Variants in BTBD9 observed in about 807,000 individuals in gnomAD.
BTBD9 encodes the protein BTB domain containing 9.
Under a neutral mutation model 64.3 loss-of-function variants are expected in BTBD9, and 49 were observed. That is an observed-to-expected ratio of 0.76 (90% CI 0.61 to 0.97). BTBD9 has a LOEUF of 0.97. Ranked by LOEUF, BTBD9 falls within the 50% of genes least tolerant of loss-of-function variation. BTBD9 has a pLI of 0.00. For missense variants in BTBD9, 598 were observed against 762.1 expected, an observed-to-expected ratio of 0.78 and a Z score of 2.53; for synonymous variants, 260 against 274.7, an observed-to-expected ratio of 0.95 and a Z score of 0.53.
intron 6 of BTBD9, among the ~76,000 whole-genome samples, chr6:38,576,665 G>A (rs1776048242): frequency 6.6e-6 from 1 of 152,164 alleles, no homozygotes; most frequent in Non-Finnish European, 1.5e-5. Flanking sequence ...TGAGGGGCCA[G>A]CTCCACATTC....
At chr6:38,273,784 A>C (rs1006810754) in intron 8 of BTBD9, among the ~76,000 whole-genome samples, 1 of 152,222 alleles carries the variant, frequency 6.6e-6, no homozygotes, top group Admixed American at 6.5e-5. Context: ...AGGAGAGAAA[A>C]GGATGGATCT....
At chr6:38,182,372 G>A (rs1415255057) in intron 10 of BTBD9, among the ~76,000 whole-genome samples, 3 of 152,164 alleles carry the variant, frequency 2.0e-5, no homozygotes, top group Non-Finnish European at 4.4e-5. Context: ...TTGTCTTAAT[G>A]GATTCGGCTA....
chr6:38,474,297 CG>C (rs1324142045), intron 6 of BTBD9, among the ~76,000 whole-genome samples: 1 of 152,010 alleles, frequency 6.6e-6, no homozygotes, highest in Non-Finnish European at 1.5e-5. Flanking sequence ...TTGACGTGGG[CG>C]GATCAACCGA....
intron 9 of BTBD9, among the ~76,000 whole-genome samples, chr6:38,242,208 T>C (rs1463834934): frequency 6.6e-6 from 1 of 152,174 alleles, no homozygotes; most frequent in Non-Finnish European, 1.5e-5. Context: ...GGTTGGGAAA[T>C]CACCAGTCGT....
intron 6 of BTBD9, among the ~76,000 whole-genome samples, chr6:38,355,977 T>C (rs1425684551): frequency 6.6e-6 from 1 of 152,210 alleles, no homozygotes; most frequent in African/African-American, 2.4e-5. Context: ...GAATCTCAAG[T>C]TGGAAATAGA....
At chr6:38,214,703 G>A (rs1204475848) in intron 9 of BTBD9, among the ~76,000 whole-genome samples, 1 of 152,152 alleles carries the variant, frequency 6.6e-6, no homozygotes, top group Non-Finnish European at 1.5e-5. Flanking sequence ...TGGGCTTCCT[G>A]TGTGCCCAAG....
At chr6:38,629,829 G>T (rs770715908) in intron 1 of BTBD9, among the ~76,000 whole-genome samples, 3 of 151,624 alleles carry the variant, frequency 2.0e-5, no homozygotes, top group Non-Finnish European at 4.4e-5. Flanking sequence ...TCTCAAAAAA[G>T]AAATAAATAA....
intron 6 of BTBD9, among the ~76,000 whole-genome samples, chr6:38,568,282 A>C (rs1057107172): frequency 3.9e-5 from 6 of 152,176 alleles, no homozygotes; most frequent in African/African-American, 1.4e-4. Flanking sequence ...CACACAAAAA[A>C]TCTGTATCTA....
chr6:38,564,128 C>T (rs1314760102), intron 6 of BTBD9, among the ~76,000 whole-genome samples: 3 of 152,138 alleles, frequency 2.0e-5, no homozygotes, highest in African/African-American at 7.2e-5. Context: ...AAGATCTCTT[C>T]CCTGAAGGAC....
At chr6:38,358,485 G>A (rs1037691957) in intron 6 of BTBD9, among the ~76,000 whole-genome samples, 24 of 152,134 alleles carry the variant, frequency 1.6e-4, no homozygotes, top group Non-Finnish European at 2.9e-5. Context: ...TTTAATCCAT[G>A]GAGTTACTGC....
At chr6:38,433,426 T>C (rs11962897) in intron 6 of BTBD9, among the ~76,000 whole-genome samples, 3,180 of 152,040 alleles carry the variant, frequency 0.021, 173 homozygotes, top group African/African-American at 0.072. Context: ...CCTTAACTGA[T>C]GACATTCCAC....
chr6:38,556,787 C>T (rs1477731319), intron 6 of BTBD9, among the ~76,000 whole-genome samples: 4 of 150,854 alleles, frequency 2.7e-5, no homozygotes, highest in African/African-American at 9.7e-5. Flanking sequence ...GAGGCCGAGG[C>T]GGGTGGATCA....
At chr6:38,187,551 C>T (rs964238569) in intron 10 of BTBD9, among the ~76,000 whole-genome samples, 1 of 152,132 alleles carries the variant, frequency 6.6e-6, no homozygotes, top group Non-Finnish European at 1.5e-5. Flanking sequence ...GAAAAAGCCA[C>T]ACGTGAGCAC....
intron 9 of BTBD9, among the ~76,000 whole-genome samples, chr6:38,212,692 G>GC (rs1237807200): frequency 1.3e-5 from 2 of 152,144 alleles, no homozygotes; most frequent in Non-Finnish European, 2.9e-5. Context: ...AGGATTTCCT[G>GC]CCCCCAGAAA....
chr6:38,351,501 G>GT (rs1562062660), intron 6 of BTBD9, among the ~76,000 whole-genome samples: 1 of 125,492 alleles, frequency 8.0e-6, no homozygotes, highest in Non-Finnish European at 1.6e-5. Flanking sequence ...ATATTTAATT[G>GT]TTGTTGTTTT....
intron 6 of BTBD9, among the ~76,000 whole-genome samples, chr6:38,539,043 T>G: frequency 6.6e-6 from 1 of 152,116 alleles, no homozygotes; most frequent in East Asian, 1.9e-4. Context: ...TGAGCTCAAG[T>G]GATTCACCGA....
intron 6 of BTBD9, among the ~76,000 whole-genome samples, chr6:38,558,321 A>G (rs1775115720): frequency 6.6e-6 from 1 of 151,696 alleles, no homozygotes; most frequent in Admixed American, 6.6e-5. Flanking sequence ...TTTTCCAAGT[A>G]TAGAATCATA....
At chr6:38,313,402 T>C (rs1383220477) in intron 7 of BTBD9, among the ~76,000 whole-genome samples, 2 of 152,228 alleles carry the variant, frequency 1.3e-5, no homozygotes, top group African/African-American at 4.8e-5. Flanking sequence ...TGGCTAGGAC[T>C]TCCACTACTA....
intron 6 of BTBD9, among the ~76,000 whole-genome samples, chr6:38,401,323 G>T (rs1188291607): frequency 6.6e-6 from 1 of 152,142 alleles, no homozygotes; most frequent in Non-Finnish European, 1.5e-5. Context: ...TGCCATAATT[G>T]TAAGTTTCCT....
Sources: allele counts gnomAD v4.1 joint callset (sites outside exome capture counted in the v4.1 genomes callset), GRCh38; gene constraint gnomAD v4.1.1; transcripts MANE v1.5; gene names NCBI Gene and HGNC (gene_info 2026-07-23, HGNC 2026-07-21).